LATS2: variants seen among roughly 807,000 people sequenced by gnomAD.
The protein encoded by LATS2 is serine/threonine-protein kinase LATS2.
A neutral mutation model predicts 76.0 loss-of-function variants in LATS2; 24 were observed. The ratio of observed to expected loss-of-function variants is 0.32; its 90% CI spans 0.23 to 0.44. The LOEUF is 0.44. Among genes scored for constraint, LATS2 ranks in the 20% least tolerant of loss-of-function variants. The pLI is 1.00. For synonymous variants in LATS2, 692 were observed against 635.4 expected (o/e 1.09, Z -1.34); for missense variants, 1,286 against 1,481.2 (o/e 0.87, Z 2.16).
intron 2 of LATS2, among the ~76,000 whole-genome samples, chr13:21,027,679 G>C (rs1872359864): frequency 6.6e-6 from 1 of 152,162 alleles, no homozygotes; most frequent in African/African-American, 2.4e-5. Context: ...AGTTTTGAAA[G>C]TAAGGTAGTT....
At chr13:21,042,404 T>C (rs1483942816) in intron 2 of LATS2, among the ~76,000 whole-genome samples, 1 of 152,320 alleles carries the variant, frequency 6.6e-6, no homozygotes, top group East Asian at 1.9e-4. Flanking sequence ...TTACTTTAAT[T>C]AAAAGTTAAG....
At chr13:21,008,783 A>G (rs1312107380) in intron 2 of LATS2, among the ~76,000 whole-genome samples, 1 of 152,214 alleles carries the variant, frequency 6.6e-6, no homozygotes, top group South Asian at 2.1e-4. Context: ...TATTTTGACC[A>G]TATCTAGTAA....
At chr13:21,042,727 G>A (rs576983371) in intron 2 of LATS2, among the ~76,000 whole-genome samples, 33 of 152,126 alleles carry the variant, frequency 2.2e-4, no homozygotes, top group Non-Finnish European at 4.3e-4. Flanking sequence ...GGTAACTCAC[G>A]CCTGTAATCC....
intron 2 of LATS2, among the ~76,000 whole-genome samples, chr13:21,034,955 G>A (rs1279224975): frequency 2.0e-5 from 3 of 152,154 alleles, no homozygotes; most frequent in Non-Finnish European, 2.9e-5. Context: ...ATGGGGCTGA[G>A]CACAGTGGTT....
At chr13:20,995,692 C>T (rs1473868321) in intron 2 of LATS2, among the ~76,000 whole-genome samples, 3 of 152,100 alleles carry the variant, frequency 2.0e-5, no homozygotes, top group Non-Finnish European at 4.4e-5. Context: ...AGCAGAGATG[C>T]ACCAAGGCAC....
intron 6 of LATS2, 114 bp from the exon 7 acceptor site, chr13:20,979,911 C>G: frequency 1.6e-6 from 1 of 617,792 alleles, no homozygotes; most frequent in Non-Finnish European, 2.9e-6. Flanking sequence ...CGCGTTGAAG[C>G]ATCGCACTGT....
intron 2 of LATS2, among the ~76,000 whole-genome samples, chr13:21,013,076 C>T (rs919292027): frequency 6.6e-6 from 1 of 152,174 alleles, no homozygotes; most frequent in Non-Finnish European, 1.5e-5. Flanking sequence ...GTTCTAAGCA[C>T]TGGGGATGCA....
intron 2 of LATS2, among the ~76,000 whole-genome samples, chr13:21,015,504 GAAAACTTACTCATAAACTTGTCATAA>G (rs1186318574): frequency 5.3e-5 from 8 of 152,132 alleles, no homozygotes; most frequent in African/African-American, 1.9e-4. Context: ...AAAACCCAAG[GAAAACTTACTCATAAACTTGTCATAA>G]GAAGATAAGC....
At chr13:21,032,155 A>G (rs1176792152) in intron 2 of LATS2, among the ~76,000 whole-genome samples, 2 of 152,232 alleles carry the variant, frequency 1.3e-5, no homozygotes, top group African/African-American at 4.8e-5. Flanking sequence ...CGTTGCAGCA[A>G]CACTGCATTC....
intron 1 of LATS2, among the ~76,000 whole-genome samples, chr13:21,051,844 C>A (rs1873282758): frequency 6.6e-6 from 1 of 151,178 alleles, no homozygotes; most frequent in Non-Finnish European, 1.5e-5. Context: ...ATGGTCCCAG[C>A]TACTCCGGAG....
chr13:21,041,971 C>T (rs972360145), intron 2 of LATS2, among the ~76,000 whole-genome samples: 5 of 152,186 alleles, frequency 3.3e-5, no homozygotes, highest in African/African-American at 9.7e-5. Flanking sequence ...CAGGCTTCCG[C>T]AGAACAGAAA....
intron 1 of LATS2, among the ~76,000 whole-genome samples, chr13:21,054,800 A>C (rs1377518251): frequency 6.6e-6 from 1 of 152,130 alleles, no homozygotes; most frequent in Non-Finnish European, 1.5e-5. Flanking sequence ...GCTTATGAAA[A>C]ATGTCAAACA....
At chr13:20,979,395 A>G (rs908165280) in intron 7 of LATS2, among the ~76,000 whole-genome samples, 1 of 151,914 alleles carries the variant, frequency 6.6e-6, no homozygotes, top group Non-Finnish European at 1.5e-5. Context: ...TCAGCAGCAC[A>G]CCTTTGCTGA....
intron 2 of LATS2, among the ~76,000 whole-genome samples, chr13:21,044,093 C>T (rs562010784): frequency 2.0e-5 from 3 of 152,352 alleles, no homozygotes; most frequent in East Asian, 1.9e-4. Context: ...AAACACTCTG[C>T]ACCACATTAC....
chr13:20,975,074 G>A lies in LATS2; in HGVS notation c.3063C>T (p.Ala1021=). 1.9e-6 allele frequency: 3 copies of A among 1,614,262 alleles called. No individual in the cohort carries two copies. The highest frequency in any genetic ancestry group is 2.5e-6 in the Non-Finnish European group (3 of 1,180,048). The part of the protein sequence containing the change: ...WNDASEGSTK[A]WDTLTSPNNK... Reference sequence around the variant, plus strand: ...TATTGGGCGAGGTGAGTGTGTCCCAGGCCTTGGTGCTACCTTCGCTGGCAT... The same window carrying A: ...TATTGGGCGAGGTGAGTGTGTCCCAAGCCTTGGTGCTACCTTCGCTGGCAT... The change falls in exon 8 of 8, where the codon GCC becomes GCT. Residue 1021 remains alanine, a synonymous_variant. Coordinates refer to ENST00000382592, the MANE Select transcript of LATS2 (RefSeq NM_014572.3).
intron 4 of LATS2, among the ~76,000 whole-genome samples, chr13:20,984,213 C>T (rs1288926111): frequency 1.3e-5 from 2 of 152,226 alleles, no homozygotes; most frequent in Admixed American, 1.3e-4. Flanking sequence ...GGATTACAGG[C>T]TTGAGCCACT....
rs59928188 is a variant in LATS2 at position 20,988,232 on chromosome 13, C to T, written c.1548G>A (p.Pro516=). ...GCAGCAGCAGGTGCTTCGGGTAGGGCGGAGGCGGGCACCTCCGGTCTGGGC... is the reference window on the plus strand; with the variant it reads ...GCAGCAGCAGGTGCTTCGGGTAGGGTGGAGGCGGGCACCTCCGGTCTGGGC... ...YGGPDRRCPP[P]PYPKHLLLRS... The change falls in exon 4 of 8, where the codon CCG becomes CCA. Residue 516 remains proline (P), a synonymous_variant. Transcript: ENST00000382592. 0.032 allele frequency: 51,672 copies of T among 1,605,374 alleles called. 947 individuals carry two copies. Among genetic ancestry groups the T allele is most frequent in the East Asian group, 0.057 (2,576 of 44,854 alleles).
intron 2 of LATS2, among the ~76,000 whole-genome samples, chr13:21,032,950 C>G (rs566639569): frequency 6.6e-6 from 1 of 152,128 alleles, no homozygotes; most frequent in African/African-American, 2.4e-5. Context: ...CCAATGAGAA[C>G]AGGAAGGCTG....
At chr13:21,014,799 A>C (rs1464578092) in intron 2 of LATS2, among the ~76,000 whole-genome samples, 1 of 152,280 alleles carries the variant, frequency 6.6e-6, no homozygotes, top group African/African-American at 2.4e-5. Flanking sequence ...AAGTTTACAG[A>C]TTCAACCAAA....
Sources: gnomAD v4.1 joint callset for allele counts (sites outside exome capture counted in the v4.1 genomes callset) on GRCh38, gnomAD v4.1.1 for gene constraint, MANE v1.5 for transcripts, NCBI Gene and HGNC (gene_info 2026-07-23, HGNC 2026-07-21) for gene names.